The following VIT variants were observed in gnomAD, a reference collection of about 807,000 sequenced individuals.
VIT encodes the protein vitrin.
Under a neutral mutation model 78.0 loss-of-function variants are expected in VIT, and 99 were observed. The observed-to-expected ratio is 1.27, with a 90% CI of 1.08 to 1.50. The LOEUF (loss-of-function observed/expected upper bound fraction) is 1.50. Among genes scored for constraint, VIT ranks in the 40% most tolerant of loss-of-function variants. The pLI is 0.00. For missense variants in VIT, 1,126 were observed against 875.3 expected (o/e 1.29, Z -3.61); for synonymous variants, 374 against 334.3 (o/e 1.12, Z -1.29).
chr2:36,759,078 T>C (rs776851251), intron 6 of VIT, 32 bp downstream of exon 6: 82 of 1,614,078 alleles, frequency 5.1e-5, no homozygotes, highest in Non-Finnish European at 6.6e-5. Flanking sequence ...AATCTAAACC[T>C]TCTGAGTCCA....
intron 4 of VIT, among the ~76,000 whole-genome samples, chr2:36,752,416 C>G (rs1328491360): frequency 6.6e-6 from 1 of 152,172 alleles, no homozygotes; most frequent in Non-Finnish European, 1.5e-5. Context: ...CCTCAGTTAT[C>G]CCAGTCCCCT....
At chr2:36,714,836 T>C (rs192169220) in intron 1 of VIT, among the ~76,000 whole-genome samples, 15 of 152,270 alleles carry the variant, frequency 9.9e-5, no homozygotes, top group African/African-American at 3.4e-4. Context: ...TGGTGACGTA[T>C]TGGGTGGATT....
intron 12 of VIT, among the ~76,000 whole-genome samples, chr2:36,800,045 T>C (rs1374394340): frequency 4.2e-5 from 4 of 94,710 alleles, no homozygotes; most frequent in Non-Finnish European, 7.2e-5. Context: ...AGACTCCGTC[T>C]CAAAAAAAAA....
Position 36,805,525 on chromosome 2 carries a change from T to G in VIT, c.1250T>G (p.Val417Gly). Residue 417 changes from valine to glycine, a missense_variant, in exon 14 of 16, where the codon GTG becomes GGG. Coordinates refer to ENST00000379242, the MANE Select transcript of VIT (RefSeq NM_053276.4). ...SGAPNVVVVM[V>G]DGWPTDKVEE... ...GCTCCCAATGTGGTGGTGGTGATGG[T>G]GGATGGCTGGCCCACGGACAAAGTG... The G allele has an allele frequency of 1.2e-6, 2 of 1,614,086 alleles. No individual in the cohort carries two copies. Among genetic ancestry groups the G allele is most frequent in the Non-Finnish European group, 1.7e-6 (2 of 1,180,008 alleles).
intron 5 of VIT, 126 bp downstream of exon 5, chr2:36,755,180 C>A: frequency 9.2e-7 from 1 of 1,083,900 alleles, no homozygotes; most frequent in Non-Finnish European, 1.3e-6. Context: ...ATTCGTTTTT[C>A]TGATAATTAG....
intron 4 of VIT, among the ~76,000 whole-genome samples, chr2:36,748,215 C>T (rs1006499897): frequency 2.6e-5 from 4 of 152,134 alleles, no homozygotes; most frequent in African/African-American, 7.2e-5. Flanking sequence ...GGTCATCTTG[C>T]ATAGTATCTC....
chr2:36,706,596 G>A lies in VIT; in HGVS notation c.-19+9623G>A, dbSNP rs535489284. ...GGCCCCATATGACCTGCAACTTGGC[G>A]CTCACAGCTTTTGAAGCTTTCAGAA... On this transcript the variant is annotated intron_variant, in intron 1 of 15. Coordinates refer to ENST00000379242, the MANE Select transcript of VIT (RefSeq NM_053276.4). Among the ~76,000 whole-genome samples, 18 of 152,194 alleles carry A rather than the reference G, an allele frequency of 1.2e-4. No homozygotes were observed. The South Asian group carries it at 1.7e-3, about 14-fold the overall frequency.
chr2:36,790,341 C>T (rs72785010), intron 12 of VIT, among the ~76,000 whole-genome samples: 1 of 152,304 alleles, frequency 6.6e-6, no homozygotes, highest in Non-Finnish European at 1.5e-5. Flanking sequence ...TTCTGATCTT[C>T]TCTCAGCTGA....
chr2:36,783,308 T>G lies in VIT; in HGVS notation c.848-32T>G, dbSNP rs372577824. 134 of 1,612,964 alleles carry G rather than the reference T, an allele frequency of 8.3e-5. No homozygotes were observed. In the African/African-American group the frequency reaches 1.6e-3, roughly 19 times the overall value. ...TAAGGCCAGCTGCTTCCTTTCCTTG[T>G]AAGTCACCAAAAGTTTTACTGCTCT... On this transcript the variant is annotated intron_variant, in intron 10 of 15. Transcript: ENST00000379242.
intron 9 of VIT, among the ~76,000 whole-genome samples, chr2:36,778,652 G>C (rs1670215435): frequency 6.6e-6 from 1 of 152,202 alleles, no homozygotes; most frequent in Admixed American, 6.5e-5. Context: ...ACCCCAGACT[G>C]TCCTCAGCCT....
intron 2 of VIT, among the ~76,000 whole-genome samples, chr2:36,720,967 G>A (rs963320723): frequency 3.3e-5 from 5 of 151,246 alleles, no homozygotes; most frequent in South Asian, 2.1e-4. Flanking sequence ...CTGAGATTGC[G>A]CCTTTACACT....
chr2:36,792,142 G>C (rs372538420), intron 12 of VIT, among the ~76,000 whole-genome samples: 11 of 152,102 alleles, frequency 7.2e-5, no homozygotes, highest in Non-Finnish European at 1.6e-4. Context: ...ATCTGGCAAG[G>C]GGATGAGACC....
chr2:36,759,284 T>A (rs1668965852), intron 6 of VIT: 8 of 1,458,954 alleles, frequency 5.5e-6, no homozygotes, highest in Non-Finnish European at 3.6e-6. Context: ...TATATTTGTG[T>A]CATTTTCATT....
intron 7 of VIT, among the ~76,000 whole-genome samples, chr2:36,767,611 A>G (rs1669513607): frequency 6.6e-6 from 1 of 152,206 alleles, no homozygotes; most frequent in Non-Finnish European, 1.5e-5. Flanking sequence ...TTAAGTGACA[A>G]ATGGTACAGA....
At chr2:36,719,293 T>C (rs751990349) in intron 2 of VIT, among the ~76,000 whole-genome samples, 5 of 152,178 alleles carry the variant, frequency 3.3e-5, no homozygotes, top group Non-Finnish European at 7.3e-5. Context: ...CAAGGATGCC[T>C]ACTCTTGCTA....
intron 9 of VIT, among the ~76,000 whole-genome samples, chr2:36,781,061 C>T (rs1370830455): frequency 6.6e-6 from 1 of 152,126 alleles, no homozygotes; most frequent in African/African-American, 2.4e-5. Flanking sequence ...CATCTTACTG[C>T]ATACAGGTCC....
chr2:36,743,278 A>G (rs1358192873), intron 4 of VIT, 22 bp downstream of exon 4: 2 of 1,566,096 alleles, frequency 1.3e-6, no homozygotes, highest in Admixed American at 1.7e-5. Flanking sequence ...TGAGCTACTT[A>G]ATAACTAACT....
intron 1 of VIT, among the ~76,000 whole-genome samples, chr2:36,698,834 C>T (rs1664836419): frequency 6.6e-6 from 1 of 152,012 alleles, no homozygotes; most frequent in African/African-American, 2.4e-5. Flanking sequence ...ATCCCAGCTA[C>T]TCGGGAGGCT....
At chr2:36,699,393 C>G (rs1209397005) in intron 1 of VIT, among the ~76,000 whole-genome samples, 1 of 151,918 alleles carries the variant, frequency 6.6e-6, no homozygotes, top group Non-Finnish European at 1.5e-5. Flanking sequence ...GAAGAAGTAT[C>G]GAAATAGTGC....
Sources: allele counts gnomAD v4.1 joint callset (sites outside exome capture counted in the v4.1 genomes callset), GRCh38; gene constraint gnomAD v4.1.1; transcripts MANE v1.5; gene names NCBI Gene and HGNC (gene_info 2026-07-23, HGNC 2026-07-21).